IRGM: variants seen among roughly 807,000 people sequenced by gnomAD.
IRGM encodes immunity related GTPase M.
For missense variants in IRGM, 288 were observed against 219.9 expected (o/e 1.31, Z -1.96); for synonymous variants, 98 against 80.6 (o/e 1.22, Z -1.16).
At chr5:150,895,500 G>C (rs774943116) in intron 3 of IRGM, 12 of 1,613,188 alleles carry the variant, frequency 7.4e-6, no homozygotes, top group Admixed American at 3.3e-5. Context: ...CCCACATATA[G>C]CACATTGATA....
intron 3 of IRGM, among the ~76,000 whole-genome samples, chr5:150,885,386 T>C (rs1754506257): frequency 6.6e-6 from 1 of 152,134 alleles, no homozygotes; most frequent in Non-Finnish European, 1.5e-5. Flanking sequence ...TAGGATTGCC[T>C]TGGCTACTTG....
At chr5:150,849,853 C>T (rs1753947753), downstream of IRGM, among the ~76,000 whole-genome samples, 1 of 152,074 alleles carries the variant, frequency 6.6e-6, no homozygotes. Flanking sequence ...GATCCGCCTG[C>T]CTTGGCCTTC....
chr5:150,863,501 G>A (rs1434047648), intron 1 of IRGM, among the ~76,000 whole-genome samples: 1 of 152,136 alleles, frequency 6.6e-6, no homozygotes, highest in East Asian at 1.9e-4. Flanking sequence ...ATAATTTTGG[G>A]ACAGTAAATC....
At chr5:150,857,239 T>A (rs899398269) in intron 1 of IRGM, among the ~76,000 whole-genome samples, 14 of 152,304 alleles carry the variant, frequency 9.2e-5, no homozygotes, top group South Asian at 2.1e-4. Context: ...GTTTCATCCA[T>A]GTCCCTACAA....
chr5:150,848,889 C>G (rs58311717), downstream of IRGM, among the ~76,000 whole-genome samples: 25,187 of 151,960 alleles, frequency 0.17, 2,964 homozygotes, highest in East Asian at 0.43. Context: ...CTTCACGGAA[C>G]TCTCCACCAG....
chr5:150,872,935 T>A (rs1211688722), intron 1 of IRGM, among the ~76,000 whole-genome samples: 2 of 152,224 alleles, frequency 1.3e-5, no homozygotes, highest in Non-Finnish European at 2.9e-5. Context: ...GAGGGCAGCA[T>A]CTGCATCCTT....
intron 1 of IRGM, among the ~76,000 whole-genome samples, chr5:150,858,035 C>G (rs920722433): frequency 3.3e-5 from 5 of 152,100 alleles, no homozygotes; most frequent in African/African-American, 1.2e-4. Context: ...CCTAGGTTTT[C>G]TTCTAGGGTT....
intron 1 of IRGM, among the ~76,000 whole-genome samples, chr5:150,861,308 T>C (rs567976689): frequency 1.0e-3 from 154 of 152,242 alleles, no homozygotes; most frequent in Non-Finnish European, 1.7e-3. Flanking sequence ...CAAAGTATCG[T>C]AGTTTCAGGA....
At chr5:150,865,903 C>T (rs1311363912) in intron 1 of IRGM, among the ~76,000 whole-genome samples, 6 of 152,146 alleles carry the variant, frequency 3.9e-5, no homozygotes, top group South Asian at 4.2e-4. Flanking sequence ...ACCACAGGCA[C>T]GCACCACCAT....
intron 3 of IRGM, among the ~76,000 whole-genome samples, chr5:150,889,473 G>A (rs1484063015): frequency 6.6e-6 from 1 of 152,006 alleles, no homozygotes; most frequent in East Asian, 1.9e-4. Context: ...TGGGAATTGT[G>A]GGAGCTACAA....
intron 1 of IRGM, among the ~76,000 whole-genome samples, chr5:150,858,406 T>C (rs1258430708): frequency 6.6e-6 from 1 of 152,124 alleles, no homozygotes; most frequent in African/African-American, 2.4e-5. Flanking sequence ...CTTGGTGATG[T>C]GGGCTCTTTT....
At chr5:150,901,568 A>G (rs1284346738), downstream of IRGM, among the ~76,000 whole-genome samples, 2 of 152,044 alleles carry the variant, frequency 1.3e-5, no homozygotes, top group Non-Finnish European at 2.9e-5. Context: ...AGAACTCTAA[A>G]CTCTACTGTA....
chr5:150,898,763 AC>A (rs1256179402), intron 3 of IRGM, among the ~76,000 whole-genome samples: 2 of 152,058 alleles, frequency 1.3e-5, no homozygotes, highest in African/African-American at 4.8e-5. Flanking sequence ...GTAATTTCAT[AC>A]ATTTTAAAGG....
downstream of IRGM, among the ~76,000 whole-genome samples, chr5:150,853,537 T>C (rs1224232546): frequency 6.6e-6 from 1 of 152,108 alleles, no homozygotes; most frequent in Non-Finnish European, 1.5e-5. Context: ...GTCTATTTGT[T>C]CTCTCCAATT....
intron 3 of IRGM, among the ~76,000 whole-genome samples, chr5:150,885,348 TA>T (rs200763879): frequency 0.1 from 15,191 of 152,108 alleles, 1,035 homozygotes; most frequent in East Asian, 0.39. Context: ...TTGGGTAACA[TA>T]ATGCCTCCAG....
intron 3 of IRGM, among the ~76,000 whole-genome samples, chr5:150,891,852 T>G (rs1488645719): frequency 2.0e-5 from 3 of 152,118 alleles, no homozygotes; most frequent in African/African-American, 7.2e-5. Flanking sequence ...TCAAGCTTCC[T>G]GTTGGTCTTC....
intron 1 of IRGM, among the ~76,000 whole-genome samples, chr5:150,864,174 G>T (rs1441835666): frequency 6.6e-6 from 1 of 152,210 alleles, no homozygotes; most frequent in Non-Finnish European, 1.5e-5. Flanking sequence ...GGAGGAACTA[G>T]TTGTTGATCA....
chr5:150,874,239 A>C (rs1340561942), intron 1 of IRGM, among the ~76,000 whole-genome samples: 1 of 152,138 alleles, frequency 6.6e-6, no homozygotes, highest in African/African-American at 2.4e-5. Flanking sequence ...GTTTGGAGAG[A>C]TCTTGATCAC....
At chr5:150,896,719 A>C (rs750357115) in intron 3 of IRGM, 1 of 1,613,494 alleles carries the variant, frequency 6.2e-7, no homozygotes, top group Non-Finnish European at 8.5e-7. Context: ...GTTTCTATGC[A>C]CTCTTGAAAT....
Sources: gnomAD v4.1 joint callset for allele counts (sites outside exome capture counted in the v4.1 genomes callset) on GRCh38, gnomAD v4.1.1 for gene constraint, MANE v1.5 for transcripts, NCBI Gene and HGNC (gene_info 2026-07-23, HGNC 2026-07-21) for gene names.